The following C1orf21 variants were observed in gnomAD, a reference collection of about 807,000 sequenced individuals.
The protein encoded by C1orf21 is chromosome 1 open reading frame 21, also known as uncharacterized protein C1orf21.
In C1orf21, 3 loss-of-function variants were observed where a neutral mutation model predicts 18.7. The observed-to-expected ratio is 0.16, with a 90% CI of 0.07 to 0.42. The LOEUF (loss-of-function observed/expected upper bound fraction) is 0.42, where lower values mean the gene tolerates loss of function less well. Among genes scored for constraint, C1orf21 ranks in the 10% least tolerant of loss-of-function variants. The probability of loss-of-function intolerance (pLI) is 0.99; values close to 1 mark genes in which losing one functional copy is unlikely to be tolerated. For missense variants in C1orf21, 104 were observed against 143.6 expected, an observed-to-expected ratio of 0.72 and a Z score of 1.41; for synonymous variants, 41 against 46.4, an observed-to-expected ratio of 0.88 and a Z score of 0.47.
chr1:184,520,355 A>C (rs1170378986), intron 3 of C1orf21, among the ~76,000 whole-genome samples: 2 of 152,208 alleles, frequency 1.3e-5, no homozygotes, highest in Admixed American at 6.5e-5. Flanking sequence ...GCATAAAATG[A>C]GACAGGAATC....
chr1:184,603,134 G>A (rs1423328078), intron 5 of C1orf21, among the ~76,000 whole-genome samples: 1 of 152,212 alleles, frequency 6.6e-6, no homozygotes. Flanking sequence ...AGAAACTTTG[G>A]ATTTCTTTCT....
chr1:184,447,440 A>G (rs1172178143), intron 1 of C1orf21, among the ~76,000 whole-genome samples: 2 of 152,198 alleles, frequency 1.3e-5, no homozygotes. Flanking sequence ...CATGCGTGAT[A>G]TCACATGTCT....
At chr1:184,442,678 T>G (rs947582599) in intron 1 of C1orf21, among the ~76,000 whole-genome samples, 1 of 152,226 alleles carries the variant, frequency 6.6e-6, no homozygotes, top group African/African-American at 2.4e-5. Context: ...TGATTAGATC[T>G]AGAAATACTC....
intron 1 of C1orf21, among the ~76,000 whole-genome samples, chr1:184,460,617 G>GTCTTCTTCTTCTTCTTCTTCT (rs1300212650): frequency 1.5e-4 from 18 of 116,548 alleles, no homozygotes; most frequent in African/African-American, 5.7e-4. Flanking sequence ...TATTGTCGTC[G>GTCTTCTTCTTCTTCTTCTTCT]TCGTCTTCTT....
chr1:184,475,345 C>A (rs531916227), intron 1 of C1orf21, among the ~76,000 whole-genome samples: 12 of 152,228 alleles, frequency 7.9e-5, no homozygotes, highest in African/African-American at 2.6e-4. Context: ...CCCTGCCCCC[C>A]CATCCCCACC....
intron 1 of C1orf21, among the ~76,000 whole-genome samples, chr1:184,472,742 A>G (rs1657512995): frequency 6.6e-6 from 1 of 152,180 alleles, no homozygotes; most frequent in Admixed American, 6.5e-5. Flanking sequence ...TAAAAGGACA[A>G]GGTATTTCAT....
intron 3 of C1orf21, among the ~76,000 whole-genome samples, chr1:184,568,678 C>T (rs1659067570): frequency 6.6e-6 from 1 of 152,168 alleles, no homozygotes; most frequent in African/African-American, 2.4e-5. Flanking sequence ...AGTGATGGTG[C>T]CCATGCACTG....
chr1:184,392,531 C>T (rs1434519584), intron 1 of C1orf21, among the ~76,000 whole-genome samples: 1 of 152,160 alleles, frequency 6.6e-6, no homozygotes, highest in Non-Finnish European at 1.5e-5. Flanking sequence ...AAAGCCCAGA[C>T]TTCACCACTA....
At chr1:184,388,411 T>A (rs1655920462) in intron 1 of C1orf21, among the ~76,000 whole-genome samples, 1 of 152,226 alleles carries the variant, frequency 6.6e-6, no homozygotes, top group African/African-American at 2.4e-5. Context: ...CTATGGGATC[T>A]CTTCCATTGC....
At chr1:184,410,973 A>C (rs1201137235) in intron 1 of C1orf21, among the ~76,000 whole-genome samples, 1 of 151,792 alleles carries the variant, frequency 6.6e-6, no homozygotes, top group Non-Finnish European at 1.5e-5. Context: ...TTCTCCCCCT[A>C]AATCTCTGCA....
chr1:184,610,923 T>C (rs898493610), intron 5 of C1orf21, among the ~76,000 whole-genome samples: 1 of 151,950 alleles, frequency 6.6e-6, no homozygotes, highest in Non-Finnish European at 1.5e-5. Context: ...AATAAACACT[T>C]CATGGGGGTT....
intron 1 of C1orf21, among the ~76,000 whole-genome samples, chr1:184,402,967 C>T (rs1467669651): frequency 6.6e-6 from 1 of 152,144 alleles, no homozygotes; most frequent in East Asian, 1.9e-4. Context: ...AAAGTGTTCC[C>T]CTGCTTCCCT....
chr1:184,527,014 A>G (rs1299361910), intron 3 of C1orf21, among the ~76,000 whole-genome samples: 1 of 152,174 alleles, frequency 6.6e-6, no homozygotes, highest in Non-Finnish European at 1.5e-5. Flanking sequence ...TATTATACAC[A>G]CATAACCCAA....
rs947433388 is a variant in C1orf21 at position 184,472,334 on chromosome 1, C to T, written c.-124-5052C>T. 7.2e-5 allele frequency among the ~76,000 whole-genome samples: 11 copies of T among 152,154 alleles called. No individual in the cohort carries two copies. The South Asian group carries it at 1.2e-3, about 17-fold the overall frequency. On this transcript the variant is annotated intron_variant, in intron 1 of 5. Coordinates refer to ENST00000235307, the MANE Select transcript of C1orf21 (RefSeq NM_030806.4). ...CTGACTTCATAGCTCTCTGTGTGCC[C>T]GTTGCAATCAGAATTTGATTTCTTT...
At chr1:184,573,854 A>T (rs952233683) in intron 3 of C1orf21, among the ~76,000 whole-genome samples, 1 of 152,160 alleles carries the variant, frequency 6.6e-6, no homozygotes, top group Non-Finnish European at 1.5e-5. Flanking sequence ...TTAAAAAATT[A>T]AAAATAAAAT....
At chr1:184,441,341 C>G (rs1042855810) in intron 1 of C1orf21, among the ~76,000 whole-genome samples, 3 of 152,214 alleles carry the variant, frequency 2.0e-5, no homozygotes, top group Non-Finnish European at 4.4e-5. Context: ...TGATCTTCCT[C>G]TTTACAAAAA....
intron 1 of C1orf21, among the ~76,000 whole-genome samples, chr1:184,409,756 C>T (rs1161362818): frequency 6.6e-6 from 1 of 152,158 alleles, no homozygotes; most frequent in Non-Finnish European, 1.5e-5. Context: ...CTGTTTAATT[C>T]CCTTCTCTGT....
intron 4 of C1orf21, among the ~76,000 whole-genome samples, chr1:184,598,197 C>T (rs1268414475): frequency 6.6e-6 from 1 of 151,954 alleles, no homozygotes; most frequent in East Asian, 1.9e-4. Context: ...TCCTTTAAGT[C>T]ATAGGCACTG....
At chr1:184,409,593 C>T (rs758204880) in intron 1 of C1orf21, among the ~76,000 whole-genome samples, 8 of 152,130 alleles carry the variant, frequency 5.3e-5, no homozygotes, top group Non-Finnish European at 1.2e-4. Flanking sequence ...AGAACACCAA[C>T]GAACTTACAG....
Sources: gnomAD v4.1 joint callset for allele counts (sites outside exome capture counted in the v4.1 genomes callset) on GRCh38, gnomAD v4.1.1 for gene constraint, MANE v1.5 for transcripts, NCBI Gene and HGNC (gene_info 2026-07-23, HGNC 2026-07-21) for gene names.